Variants in SYT2 observed in about 807,000 individuals in gnomAD.
The protein encoded by SYT2 is synaptotagmin-2.
A neutral mutation model predicts 39.9 loss-of-function variants in SYT2; 15 were observed. The observed-to-expected ratio is 0.38, with a 90% CI of 0.25 to 0.58. The LOEUF is 0.58. SYT2 is among the 20% of genes least tolerant of loss of function. The probability of loss-of-function intolerance (pLI) is 0.70; values close to 1 mark genes in which losing one functional copy is unlikely to be tolerated. For missense variants in SYT2, 389 were observed against 530.3 expected (o/e 0.73, Z 2.62); for synonymous variants, 181 against 204.5 (o/e 0.89, Z 0.98).
chr1:202,697,803 A>G (rs1185894009), intron 1 of SYT2, among the ~76,000 whole-genome samples: 4 of 152,246 alleles, frequency 2.6e-5, no homozygotes, highest in African/African-American at 9.6e-5. Context: ...TTGAATGTAT[A>G]CCATTTTTAT....
chr1:202,693,375 T>A (rs1273732079), intron 1 of SYT2, among the ~76,000 whole-genome samples: 1 of 152,132 alleles, frequency 6.6e-6, no homozygotes. Flanking sequence ...AAGGGTACAG[T>A]GCACAGTTCA....
chr1:202,629,126 G>T (rs779243422), intron 1 of SYT2, among the ~76,000 whole-genome samples: 3 of 152,216 alleles, frequency 2.0e-5, no homozygotes, highest in Non-Finnish European at 4.4e-5. Context: ...CCCTATTAAG[G>T]ACCAGGTTAA....
chr1:202,709,126 T>C (rs1327692771), intron 1 of SYT2, among the ~76,000 whole-genome samples: 1 of 152,146 alleles, frequency 6.6e-6, no homozygotes, highest in East Asian at 1.9e-4. Context: ...TCCTCCTCCT[T>C]ATAAGCTAAC....
rs1318979033 is a variant in SYT2 at position 202,619,197 on chromosome 1, G to A, written c.-17-13408C>T. Among the ~76,000 whole-genome samples the A allele has an allele frequency of 3.3e-5, 5 of 152,218 alleles. No individual in the cohort carries two copies. In the East Asian group the frequency reaches 9.6e-4, roughly 29 times the overall value. On this transcript the variant is annotated intron_variant, in intron 1 of 8. Transcript: ENST00000367268. ...AGCTGCCTCGCCTCCCGCATGGCTG[G>A]GAGCTGCAGTCCCGGGGAGAGCAGC...
chr1:202,642,471 C>G (rs1323919379), intron 1 of SYT2, among the ~76,000 whole-genome samples: 2 of 152,120 alleles, frequency 1.3e-5, no homozygotes, highest in Non-Finnish European at 2.9e-5. Flanking sequence ...CTGAGTAGGG[C>G]CCTCGTTTCC....
At chr1:202,613,746 C>T (rs987780100) in intron 1 of SYT2, among the ~76,000 whole-genome samples, 3 of 152,194 alleles carry the variant, frequency 2.0e-5, no homozygotes, top group East Asian at 1.9e-4. Flanking sequence ...AGCCGGTCCA[C>T]GGTCCCTGCA....
Position 202,599,136 on chromosome 1 carries a change from T to A in SYT2, c.1053+82A>T. On this transcript the variant is annotated intron_variant, in intron 8 of 8. Transcript: ENST00000367268. The surrounding 1 kb of genome is among the most constrained non-coding windows in gnomAD (Gnocchi z 4.4). ...GAAAGGCTGTTCCATGGTCTCTAGG[T>A]GAGTTCCCTCTCTTCAACCTCCCCA... 6.4e-7 allele frequency: 1 copy of A among 1,566,160 alleles called. No individual in the cohort carries two copies. The highest frequency in any genetic ancestry group is 8.7e-7 in the Non-Finnish European group (1 of 1,155,514).
chr1:202,642,721 C>T (rs372234724), intron 1 of SYT2, among the ~76,000 whole-genome samples: 8 of 152,364 alleles, frequency 5.3e-5, no homozygotes, highest in Admixed American at 3.3e-4. Flanking sequence ...GGCACACCCC[C>T]CTCTGCGCCA....
chr1:202,671,780 C>A (rs1692593725), intron 1 of SYT2, among the ~76,000 whole-genome samples: 1 of 152,224 alleles, frequency 6.6e-6, no homozygotes, highest in South Asian at 2.1e-4. Flanking sequence ...ACTCTCTGGC[C>A]ATGAAAACTT....
intron 1 of SYT2, among the ~76,000 whole-genome samples, chr1:202,684,424 T>C (rs2149114092): frequency 6.6e-6 from 1 of 152,240 alleles, no homozygotes; most frequent in South Asian, 2.1e-4. Context: ...TCAGTTAACA[T>C]AATGTCCTCC....
At chr1:202,605,546 T>C in intron 2 of SYT2, 49 bp downstream of exon 2, 1 of 1,564,060 alleles carries the variant, frequency 6.4e-7, no homozygotes, top group African/African-American at 1.3e-5. Flanking sequence ...TCTTCACCTC[T>C]CCCAGACTCT....
rs766551515 is a variant in SYT2 at position 202,601,845 on chromosome 1, G to A, written c.801+45C>T. The A allele has an allele frequency of 2.5e-6, 4 of 1,591,922 alleles. No homozygotes were observed. Among genetic ancestry groups the A allele is most frequent in the Admixed American group, 1.7e-5 (1 of 58,638 alleles). ...CATGCCAAGAGGTGGAAGCCCACCT[G>A]TACATTCGTCTTTCTGCCCAACCTG... On this transcript the variant is annotated intron_variant, in intron 6 of 8. Coordinates refer to ENST00000367268, the MANE Select transcript of SYT2 (RefSeq NM_177402.5). The surrounding 1 kb of genome is among the most constrained non-coding windows in gnomAD (Gnocchi z 4.0).
At position 202,632,669 on chromosome 1, in the gene SYT2, G is replaced by A. The variant is rs746969317; in HGVS notation, c.-17-26880C>T. 1.8e-5 allele frequency: 15 copies of A among 846,980 alleles called. No homozygotes were observed. In the East Asian group the frequency reaches 3.7e-4, roughly 21 times the overall value. The allele number at this position is 846,980 out of a possible 1,614,324, so 52.5% of individuals were successfully genotyped here. On this transcript the variant is annotated intron_variant, in intron 1 of 8. Transcript: ENST00000367268. ...AGACACAGAGACACAGACCTGCCCC[G>A]GAGGAATCCAGAGCCCACCTGCCCA...
At chr1:202,690,127 C>G (rs1237203861) in intron 1 of SYT2, among the ~76,000 whole-genome samples, 1 of 152,086 alleles carries the variant, frequency 6.6e-6, no homozygotes, top group South Asian at 2.1e-4. Context: ...CTCCACTCCC[C>G]CTGAAGGCAA....
At chr1:202,634,915 A>C (rs1691700841) in intron 1 of SYT2, among the ~76,000 whole-genome samples, 1 of 152,144 alleles carries the variant, frequency 6.6e-6, no homozygotes, top group Admixed American at 6.5e-5. Context: ...ATATGTATGG[A>C]GTTCCTTTTC....
intron 1 of SYT2, among the ~76,000 whole-genome samples, chr1:202,655,194 T>C (rs551078548): frequency 1.3e-5 from 2 of 152,222 alleles, no homozygotes; most frequent in Middle Eastern, 3.4e-3. Context: ...GGGCTGAAGA[T>C]TCACATTTGT....
intron 1 of SYT2, among the ~76,000 whole-genome samples, chr1:202,695,195 C>T (rs1011813600): frequency 1.3e-5 from 2 of 152,150 alleles, no homozygotes; most frequent in Non-Finnish European, 2.9e-5. Flanking sequence ...TGCAGACAGA[C>T]ACAAGCATTA....
chr1:202,629,473 G>A (rs1276978091), intron 1 of SYT2, among the ~76,000 whole-genome samples: 3 of 152,154 alleles, frequency 2.0e-5, no homozygotes, highest in African/African-American at 4.8e-5. Context: ...CTCATTTGTG[G>A]GTATCTGACC....
intron 1 of SYT2, among the ~76,000 whole-genome samples, chr1:202,638,525 A>G (rs1192033732): frequency 6.6e-6 from 1 of 152,208 alleles, no homozygotes; most frequent in Non-Finnish European, 1.5e-5. Flanking sequence ...CCATTTCTCC[A>G]GGGAGCTGGA....
Sources: gnomAD v4.1 joint callset for allele counts (sites outside exome capture counted in the v4.1 genomes callset) on GRCh38, gnomAD v4.1.1 for gene constraint, Gnocchi (gnomAD v3.1) non-coding constraint, MANE v1.5 for transcripts, NCBI Gene and HGNC (gene_info 2026-07-23, HGNC 2026-07-21) for gene names.